SLC6A19: variants seen among roughly 807,000 people sequenced by gnomAD.
The protein encoded by SLC6A19 is solute carrier family 6 member 19, also known as sodium-dependent neutral amino acid transporter B(0)AT1.
SLC6A19 carries 67 observed loss-of-function variants against 68.3 expected under a neutral mutation model. That is an observed-to-expected ratio of 0.98 (90% CI 0.81 to 1.20). The LOEUF (loss-of-function observed/expected upper bound fraction) is 1.20. Among genes scored for constraint, SLC6A19 ranks in the 50% most tolerant of loss-of-function variants. The pLI is 0.00. For missense variants in SLC6A19, 813 were observed against 851.6 expected (o/e 0.95, Z 0.56); for synonymous variants, 392 against 374.9 (o/e 1.05, Z -0.53).
chr5:1,210,685 CA>C, intron 3 of SLC6A19, 104 bp downstream of exon 3: 1 of 1,534,444 alleles, frequency 6.5e-7, no homozygotes, highest in Non-Finnish European at 8.9e-7. Flanking sequence ...TGGCAGAAAC[CA>C]GAGCCCCAAG....
In SLC6A19 at chr5:1,222,995, T is replaced by C. The variant is rs554741083; in HGVS notation, c.*1091T>C. On this transcript the variant is annotated 3_prime_UTR_variant, in exon 12 of 12. Transcript: ENST00000304460. ...GACTCTTGCTACCCACCCCCACCCATCCCCTTCCCCTTGGTGTTGACCTTT... is the reference window on the plus strand; with the variant it reads ...GACTCTTGCTACCCACCCCCACCCACCCCCTTCCCCTTGGTGTTGACCTTT... The C allele has an allele frequency of 2.1e-5, 3 of 144,602 alleles. No individual in the cohort carries two copies. The highest frequency in any genetic ancestry group is 7.4e-5 in the African/African-American group (3 of 40,332). 9.0% of individuals were successfully genotyped at this position (144,602 alleles called of 1,614,324 possible).
chr5:1,201,936 C>T lies in SLC6A19; in HGVS notation c.202+84C>T, dbSNP rs2126488295. 1.1e-5 allele frequency: 17 copies of T among 1,486,026 alleles called. No individual in the cohort carries two copies. In the South Asian group the frequency reaches 2.2e-4, roughly 19 times the overall value. The allele number at this position is 1,486,026 out of a possible 1,614,324, so 92.1% of individuals were successfully genotyped here. On this transcript the variant is annotated intron_variant, in intron 1 of 11. Transcript: ENST00000304460. ...CAGAGGCCCTGGGCAGACATCCTCC[C>T]CGGACCCTCGGCTCCCCAAGCACGG...
chr5:1,221,454 C>A, intron 11 of SLC6A19, 141 bp downstream of exon 11: 1 of 1,130,360 alleles, frequency 8.8e-7, no homozygotes, highest in Non-Finnish European at 1.3e-6. Flanking sequence ...CAGGTGCAGT[C>A]CAGCCACCAC....
In SLC6A19 at chr5:1,209,968, C is replaced by T. The variant is rs569189732; in HGVS notation, c.344-476C>T. ...TGTTGTCTCCCCTCTCATGAGTCCTCCACAGGGAAGGCTTTCCTGAAGCCC... is the reference window on the plus strand; with the variant it reads ...TGTTGTCTCCCCTCTCATGAGTCCTTCACAGGGAAGGCTTTCCTGAAGCCC... On this transcript the variant is annotated intron_variant, in intron 2 of 11. Transcript: ENST00000304460. This position sits in a 1 kb window ranked among gnomAD's most constrained non-coding sequence, Gnocchi z 5.5. Among the ~76,000 whole-genome samples, 3 of 152,392 alleles carry T rather than the reference C, an allele frequency of 2.0e-5. No homozygotes were observed. The highest frequency in any genetic ancestry group is 4.1e-4 in the South Asian group (2 of 4,834).
At position 1,212,552 on chromosome 5, in the gene SLC6A19, C is replaced by T. The variant is rs867718485; in HGVS notation, c.663+68C>T. 2.4e-4 allele frequency: 377 copies of T among 1,581,784 alleles called. 1 individual carries two copies. In the Middle Eastern group the frequency reaches 4.7e-3, roughly 20 times the overall value. ...GGGTGCGGGCAGCCCTGCCTCCGGCCGGCTGCACTCTAAAACCCAGGTCTG... is the reference window on the plus strand; with the variant it reads ...GGGTGCGGGCAGCCCTGCCTCCGGCTGGCTGCACTCTAAAACCCAGGTCTG... On this transcript the variant is annotated intron_variant, in intron 4 of 11. Transcript: ENST00000304460. This position sits in a 1 kb window ranked among gnomAD's most constrained non-coding sequence, Gnocchi z 5.1.
In SLC6A19 at chr5:1,215,767, C is replaced by T. The variant is rs1047559069; in HGVS notation, c.888-791C>T. ...TGTGCGCCTAGGAGTGGAGTTGCTG[C>T]GTCATGCTGGCCTCTACATGCAGTC... On this transcript the variant is annotated intron_variant, in intron 6 of 11. Transcript: ENST00000304460. The surrounding 1 kb of genome is among the most constrained non-coding windows in gnomAD (Gnocchi z 5.1). 6.6e-5 allele frequency among the ~76,000 whole-genome samples: 10 copies of T among 152,186 alleles called. No homozygotes were observed. The highest frequency in any genetic ancestry group is 3.8e-4 in the East Asian group (2 of 5,198).
chr5:1,216,010 A>T (rs1746197257), intron 6 of SLC6A19, among the ~76,000 whole-genome samples: 1 of 152,198 alleles, frequency 6.6e-6, no homozygotes, highest in Non-Finnish European at 1.5e-5. Context: ...AGCATCTGGA[A>T]GGATGGTGTC....
chr5:1,216,618 T>C lies in SLC6A19; in HGVS notation c.948T>C (p.Tyr316=), dbSNP rs763244086. Residue 316 remains tyrosine (Y), a synonymous_variant, in exon 7 of 12, where the codon TAT becomes TAC. Transcript: ENST00000304460. ...TCATCAACGGCTTCACATCGGTGTA[T>C]GTGGCCATCGTGGTCTACTCCGTCA... is the stretch of plus-strand genomic sequence containing the variant. ...VSIINGFTSV[Y]VAIVVYSVIG... is the part of the protein sequence containing the mutation. 3.1e-6 allele frequency: 5 copies of C among 1,614,134 alleles called. No homozygotes were observed. Among genetic ancestry groups the C allele is most frequent in the South Asian group, 2.2e-5 (2 of 91,092 alleles).
At position 1,216,909 on chromosome 5, in the gene SLC6A19, G is replaced by T; in HGVS notation, c.1137G>T (p.Val379=). The stretch of plus-strand genomic sequence containing the variant: ...ACCCCGCGGCCTACGCGCAGCTGGT[G>T]TTCCAGACCTGCGACATCAACGCCT... The part of the protein sequence containing the change: ...ASDPAAYAQL[V]FQTCDINAFL... The change falls in exon 8 of 12, where the codon GTG becomes GTT. Residue 379 remains valine (V), a synonymous_variant. Transcript: ENST00000304460. 1 of 1,613,520 alleles carries T rather than the reference G, an allele frequency of 6.2e-7. No homozygotes were observed. The highest frequency in any genetic ancestry group is 8.5e-7 in the Non-Finnish European group (1 of 1,180,040).
intron 8 of SLC6A19, 36 bp downstream of exon 8, chr5:1,216,981 C>T (rs748474062): frequency 1.2e-6 from 2 of 1,610,708 alleles, no homozygotes; most frequent in South Asian, 2.2e-5. Context: ...AGGGAGAGGG[C>T]ACCCCTTGCT....
intron 1 of SLC6A19, among the ~76,000 whole-genome samples, chr5:1,205,850 C>A (rs1205166411): frequency 1.3e-5 from 2 of 151,506 alleles, no homozygotes; most frequent in East Asian, 3.9e-4. Flanking sequence ...GCAGGTGAGC[C>A]TGCAGCCCCC....
rs1349990012 is a variant in SLC6A19 at position 1,209,236 on chromosome 5, C to T, written c.343+350C>T. Among the ~76,000 whole-genome samples the T allele has an allele frequency of 6.6e-6, 1 of 152,134 alleles. No individual in the cohort carries two copies. Among genetic ancestry groups the T allele is most frequent in the East Asian group, 1.9e-4 (1 of 5,184 alleles). On this transcript the variant is annotated intron_variant, in intron 2 of 11. Coordinates refer to ENST00000304460, the MANE Select transcript of SLC6A19 (RefSeq NM_001003841.3). The surrounding 1 kb of genome is among the most constrained non-coding windows in gnomAD (Gnocchi z 5.5). Reference sequence around the variant, plus strand: ...GGAGGGGGCACCAGCCTCCTGTGTCCACTCCCCCACACCTAGTGAGGAGGT... The same window carrying T: ...GGAGGGGGCACCAGCCTCCTGTGTCTACTCCCCCACACCTAGTGAGGAGGT...
At chr5:1,210,626 T>C (rs374728041) in intron 3 of SLC6A19, 45 bp downstream of exon 3, 19 of 1,608,278 alleles carry the variant, frequency 1.2e-5, no homozygotes, top group Non-Finnish European at 1.5e-5. Context: ...TGTGAGGCTG[T>C]TGTGTCTCTC....
In SLC6A19 at chr5:1,224,724, T is replaced by TTGGCC. The variant is rs2126520351; in HGVS notation, c.*2823_*2827dup. On this transcript the variant is annotated 3_prime_UTR_variant, in exon 12 of 12. Coordinates refer to ENST00000304460, the MANE Select transcript of SLC6A19 (RefSeq NM_001003841.3). Reference sequence around the variant, plus strand: ...GGGGCAATTGCGGGCCTGGGGGCCCTTGGCCTGTCCGTGGCGGGAGCATCT... The same window carrying TTGGCC: ...GGGGCAATTGCGGGCCTGGGGGCCCTTGGCCTGGCCTGTCCGTGGCGGGAGCATCT... 6.6e-6 allele frequency: 1 copy of TTGGCC among 152,656 alleles called. No homozygotes were observed. Among genetic ancestry groups the TTGGCC allele is most frequent in the East Asian group, 1.9e-4 (1 of 5,196 alleles). The allele number at this position is 152,656 out of a possible 1,614,324, so 9.5% of individuals were successfully genotyped here.
At chr5:1,211,134 C>G (rs115477575) in intron 3 of SLC6A19, among the ~76,000 whole-genome samples, 1 of 152,204 alleles carries the variant, frequency 6.6e-6, no homozygotes, top group African/African-American at 2.4e-5. Context: ...GCTTCTGGTC[C>G]GACCAGCACA....
At chr5:1,211,223 G>A (rs933918615) in intron 3 of SLC6A19, among the ~76,000 whole-genome samples, 28 of 152,244 alleles carry the variant, frequency 1.8e-4, no homozygotes, top group African/African-American at 6.5e-4. Flanking sequence ...GAATAAGACA[G>A]GTCCTCCCAC....
intron 1 of SLC6A19, among the ~76,000 whole-genome samples, chr5:1,207,663 C>T (rs11744733): frequency 0.36 from 54,829 of 152,092 alleles, 10,308 homozygotes; most frequent in Middle Eastern, 0.48. Context: ...TCCCTATCTT[C>T]TATCTATTTC....
At chr5:1,203,466 G>A (rs982686468) in intron 1 of SLC6A19, among the ~76,000 whole-genome samples, 3 of 152,148 alleles carry the variant, frequency 2.0e-5, no homozygotes, top group African/African-American at 4.8e-5. Flanking sequence ...GAGGAGGGCC[G>A]AGCAGGGCTC....
rs948895434 is a variant in SLC6A19 at position 1,215,044 on chromosome 5, C to T, written c.887+979C>T. 2.0e-5 allele frequency among the ~76,000 whole-genome samples: 3 copies of T among 151,834 alleles called. No individual in the cohort carries two copies. The highest frequency in any genetic ancestry group is 2.9e-5 in the Non-Finnish European group (2 of 67,920). ...AGGGTGTTGGAGGGACAGAAAGGAC[C>T]CTGGAGTCATTGTGCGAGCACTGGG... is the stretch of plus-strand genomic sequence containing the variant. On this transcript the variant is annotated intron_variant, in intron 6 of 11. Coordinates refer to ENST00000304460, the MANE Select transcript of SLC6A19 (RefSeq NM_001003841.3). This position sits in a 1 kb window ranked among gnomAD's most constrained non-coding sequence, Gnocchi z 5.1.
Sources: allele counts gnomAD v4.1 joint callset (sites outside exome capture counted in the v4.1 genomes callset), GRCh38; gene constraint gnomAD v4.1.1; non-coding constraint Gnocchi (gnomAD v3.1); transcripts MANE v1.5; gene names NCBI Gene and HGNC (gene_info 2026-07-23, HGNC 2026-07-21).